The following SPOCK1 variants were observed in gnomAD, a reference collection of about 807,000 sequenced individuals.
SPOCK1 encodes testican-1.
In SPOCK1, 23 loss-of-function variants were observed where a neutral mutation model predicts 55.3. That is an observed-to-expected ratio of 0.42 (90% confidence interval 0.30 to 0.59). SPOCK1 has a LOEUF of 0.59. Ranked by LOEUF, SPOCK1 falls within the 20% of genes least tolerant of loss-of-function variation. SPOCK1 has a pLI of 0.22. For synonymous variants in SPOCK1, 226 were observed against 221.0 expected (o/e 1.02, Z -0.20); for missense variants, 499 against 552.5 (o/e 0.90, Z 0.97).
intron 3 of SPOCK1, among the ~76,000 whole-genome samples, chr5:137,256,649 G>A (rs1040163594): frequency 2.0e-5 from 3 of 152,066 alleles, no homozygotes; most frequent in East Asian, 1.9e-4. Context: ...CTTGTGGGGG[G>A]AACACATTCA....
At chr5:137,223,656 T>C (rs957420618) in intron 3 of SPOCK1, among the ~76,000 whole-genome samples, 1 of 152,068 alleles carries the variant, frequency 6.6e-6, no homozygotes, top group Admixed American at 6.6e-5. Context: ...TTTTATCACA[T>C]GTTGATAAAA....
At chr5:137,372,979 T>C (rs1490010731) in intron 2 of SPOCK1, among the ~76,000 whole-genome samples, 1 of 152,232 alleles carries the variant, frequency 6.6e-6, no homozygotes, top group Non-Finnish European at 1.5e-5. Context: ...AATGGATTAA[T>C]GCCAATTCTA....
intron 3 of SPOCK1, among the ~76,000 whole-genome samples, chr5:137,245,482 G>A (rs989496192): frequency 3.9e-5 from 6 of 152,290 alleles, no homozygotes; most frequent in Non-Finnish European, 7.3e-5. Flanking sequence ...ACATAGCAGA[G>A]GAGGGAATTC....
At chr5:137,113,743 G>A (rs1753519583) in intron 4 of SPOCK1, among the ~76,000 whole-genome samples, 1 of 152,140 alleles carries the variant, frequency 6.6e-6, no homozygotes, top group Admixed American at 6.5e-5. Flanking sequence ...CCCCACAGGT[G>A]GGGGTATGGA....
At chr5:137,408,474 G>T (rs1752145317) in intron 2 of SPOCK1, among the ~76,000 whole-genome samples, 1 of 152,160 alleles carries the variant, frequency 6.6e-6, no homozygotes, top group Admixed American at 6.5e-5. Context: ...CCTCTAGCAT[G>T]CAATACCTCC....
intron 3 of SPOCK1, among the ~76,000 whole-genome samples, chr5:137,202,623 A>T (rs1755447085): frequency 6.6e-6 from 1 of 152,242 alleles, no homozygotes; most frequent in African/African-American, 2.4e-5. Context: ...TTCAGTTCAA[A>T]AGTCATTTCC....
At chr5:137,025,067 A>G (rs2126982350) in intron 6 of SPOCK1, among the ~76,000 whole-genome samples, 1 of 152,326 alleles carries the variant, frequency 6.6e-6, no homozygotes, top group East Asian at 1.9e-4. Flanking sequence ...AGTCAAATGG[A>G]TATCATCAAA....
At chr5:137,031,291 A>G (rs540972654) in intron 6 of SPOCK1, among the ~76,000 whole-genome samples, 10 of 152,300 alleles carry the variant, frequency 6.6e-5, no homozygotes, top group African/African-American at 2.2e-4. Context: ...TTTCCATTAA[A>G]CTAAAGTTAG....
intron 4 of SPOCK1, among the ~76,000 whole-genome samples, chr5:137,116,572 G>A (rs1039179289): frequency 3.3e-5 from 5 of 152,052 alleles, no homozygotes; most frequent in African/African-American, 1.2e-4. Context: ...CTTGAACACG[G>A]CAGGCGGAGG....
intron 2 of SPOCK1, among the ~76,000 whole-genome samples, chr5:137,277,302 A>G (rs550932096): frequency 6.6e-6 from 1 of 152,334 alleles, no homozygotes; most frequent in Non-Finnish European, 1.5e-5. Flanking sequence ...GGCATGAGCT[A>G]CTTTTGCAAT....
At chr5:137,289,531 G>C (rs1040780277) in intron 2 of SPOCK1, among the ~76,000 whole-genome samples, 12 of 152,142 alleles carry the variant, frequency 7.9e-5, no homozygotes, top group African/African-American at 2.9e-4. Flanking sequence ...AGCAATTCAG[G>C]GGAGAAAGAC....
chr5:137,059,837 G>A (rs1209962420), intron 6 of SPOCK1, among the ~76,000 whole-genome samples: 4 of 152,114 alleles, frequency 2.6e-5, no homozygotes, highest in Admixed American at 1.3e-4. Context: ...TGGCCAACAA[G>A]CATATGAAAA....
chr5:137,476,413 A>G (rs1198209160), intron 2 of SPOCK1, among the ~76,000 whole-genome samples: 1 of 152,230 alleles, frequency 6.6e-6, no homozygotes, highest in Non-Finnish European at 1.5e-5. Context: ...TATGTACTAA[A>G]AAAAGAAAAA....
intron 2 of SPOCK1, among the ~76,000 whole-genome samples, chr5:137,428,691 CT>C (rs1752683948): frequency 6.6e-6 from 1 of 152,204 alleles, no homozygotes; most frequent in Non-Finnish European, 1.5e-5. Flanking sequence ...TGTGGGTCCC[CT>C]CTGGCTCTCC....
intron 9 of SPOCK1, among the ~76,000 whole-genome samples, chr5:136,983,347 G>A (rs1482781349): frequency 6.6e-6 from 1 of 152,168 alleles, no homozygotes; most frequent in African/African-American, 2.4e-5. Context: ...GCTATACCAA[G>A]ATGATCATAT....
At chr5:137,114,108 C>T (rs959147216) in intron 4 of SPOCK1, among the ~76,000 whole-genome samples, 19 of 152,192 alleles carry the variant, frequency 1.2e-4, no homozygotes, top group Non-Finnish European at 2.2e-4. Flanking sequence ...CAGGTACCCA[C>T]AGCACAGCAC....
intron 2 of SPOCK1, among the ~76,000 whole-genome samples, chr5:137,420,937 GC>G (rs1259609370): frequency 1.3e-5 from 2 of 152,176 alleles, no homozygotes; most frequent in African/African-American, 4.8e-5. Flanking sequence ...GGCATTTAGT[GC>G]TATAAATTTC....
intron 2 of SPOCK1, among the ~76,000 whole-genome samples, chr5:137,322,404 C>G (rs898520044): frequency 6.7e-6 from 1 of 149,736 alleles, no homozygotes; most frequent in Non-Finnish European, 1.5e-5. Flanking sequence ...ATTACAAATA[C>G]AGAATATTGT....
intron 6 of SPOCK1, among the ~76,000 whole-genome samples, chr5:137,053,222 C>T (rs1328185596): frequency 2.6e-5 from 4 of 152,150 alleles, no homozygotes; most frequent in African/African-American, 9.7e-5. Context: ...GACAAGGAGG[C>T]AACAAACCAA....
Sources: gnomAD v4.1 joint callset for allele counts (sites outside exome capture counted in the v4.1 genomes callset) on GRCh38, gnomAD v4.1.1 for gene constraint, MANE v1.5 for transcripts, NCBI Gene and HGNC (gene_info 2026-07-23, HGNC 2026-07-21) for gene names.